The following COL10A1 variants were observed in gnomAD, a reference collection of about 807,000 sequenced individuals.
The protein encoded by COL10A1 is collagen alpha-1(X) chain.
In COL10A1, 10 loss-of-function variants were observed where a neutral mutation model predicts 18.2. The observed-to-expected ratio is 0.55, with a 90% CI of 0.34 to 0.93. The LOEUF (loss-of-function observed/expected upper bound fraction) is 0.93. Ranked by LOEUF, COL10A1 falls within the 40% of genes least tolerant of loss-of-function variation. The pLI, the probability that COL10A1 is intolerant of heterozygous loss-of-function variation, is 0.02. For synonymous variants in COL10A1, 330 were observed against 316.6 expected, an observed-to-expected ratio of 1.04 and a Z score of -0.45; for missense variants, 897 against 853.5, an observed-to-expected ratio of 1.05 and a Z score of -0.64.
At chr6:116,189,616 A>G in the COL10A1 span, among the ~76,000 whole-genome samples, 2 of 152,136 alleles carry the variant, frequency 1.3e-5, no homozygotes, top group Middle Eastern at 3.4e-3. Flanking sequence ...ATAAAGTTCA[A>G]AAGTTTAAAC....
chr6:116,199,996 A>AGG, the COL10A1 span, among the ~76,000 whole-genome samples: 39 of 98,100 alleles, frequency 4.0e-4, 1 homozygote, highest in African/African-American at 1.9e-3. Context: ...ACAGTATGGA[A>AGG]AGTGGGGGGG....
chr6:116,127,117 G>T (rs140262623), upstream of COL10A1, among the ~76,000 whole-genome samples: 659 of 152,184 alleles, frequency 4.3e-3, 9 homozygotes, highest in African/African-American at 0.014. Context: ...GGTTGAGGAG[G>T]ACAATTCCAT....
At chr6:116,185,370 T>C in the COL10A1 span, among the ~76,000 whole-genome samples, 1 of 152,142 alleles carries the variant, frequency 6.6e-6, no homozygotes, top group Non-Finnish European at 1.5e-5. Flanking sequence ...AAAATATCTG[T>C]TAAGTCCATT....
In COL10A1 at chr6:116,121,843, T is replaced by C. The variant is rs547224731; in HGVS notation, c.273A>G (p.Gln91=). 151 of 1,613,990 alleles carry C rather than the reference T, an allele frequency of 9.4e-5. No individual in the cohort carries two copies. The South Asian group carries it at 1.2e-3, about 13-fold the overall frequency. ...GKPGYGSPGL[Q]GEPGLPGPPG... The stretch of plus-strand genomic sequence containing the variant: ...GTGGTCCTGGCAACCCTGGCTCTCC[T>C]TGGAGTCCAGGACTTCCGTAGCCTG... Residue 91 remains glutamine (Q), a synonymous_variant, in exon 3 of 3, where the codon CAA becomes CAG. Transcript: ENST00000651968.
rs974840517 is a variant in COL10A1, at chr6:116,121,297, G to C, written c.819C>G (p.Gly273=). ...IGKPGAAGAP[G]QPGIPGTKGL... is the part of the protein sequence containing the mutation. ...CTTTTGTTCCTGGAATCCCTGGCTG[G>C]CCTGGGGCTCCAGCAGCTCCTGGCT... The change falls in exon 3 of 3, where the codon GGC becomes GGG. Residue 273 remains glycine (G), a synonymous_variant. Coordinates refer to ENST00000651968, the MANE Select transcript of COL10A1 (RefSeq NM_000493.4). The C allele has an allele frequency of 1.9e-6, 3 of 1,613,972 alleles. No homozygotes were observed. The highest frequency in any genetic ancestry group is 4.5e-5 in the East Asian group (2 of 44,846).
At chr6:116,169,812 G>A in the COL10A1 span, among the ~76,000 whole-genome samples, 1 of 152,184 alleles carries the variant, frequency 6.6e-6, no homozygotes, top group East Asian at 1.9e-4. Context: ...TTGATTGAAA[G>A]TGTGTATAGA....
chr6:116,184,797 G>C, the COL10A1 span, among the ~76,000 whole-genome samples: 1 of 151,886 alleles, frequency 6.6e-6, no homozygotes, highest in African/African-American at 2.4e-5. Flanking sequence ...CTCACTAATG[G>C]TCTATCAATC....
the COL10A1 span, among the ~76,000 whole-genome samples, chr6:116,208,791 A>C: frequency 6.6e-6 from 1 of 152,130 alleles, no homozygotes; most frequent in South Asian, 2.1e-4. Context: ...AAGTGTGCTA[A>C]AATCATAAAA....
chr6:116,214,172 G>A, the COL10A1 span, among the ~76,000 whole-genome samples: 1 of 152,234 alleles, frequency 6.6e-6, no homozygotes, highest in East Asian at 1.9e-4. Flanking sequence ...ACTCCAAAGT[G>A]TGTGCTTTTT....
intron 1 of COL10A1, among the ~76,000 whole-genome samples, chr6:116,144,478 T>A (rs1018029758): frequency 6.6e-6 from 1 of 150,928 alleles, no homozygotes; most frequent in East Asian, 1.9e-4. Flanking sequence ...TCCAGCCTGA[T>A]GACAGAGCGA....
Position 116,135,854 on chromosome 6 carries a change from T to C in COL10A1, c.-15-10347A>G, listed in dbSNP as rs1779581824. On this transcript the variant is annotated intron_variant, in intron 1 of 1. Transcript: ENST00000418500. The stretch of plus-strand genomic sequence containing the variant: ...TTTCAGATATATATATATATATATA[T>C]ATATATATATATATATATACACACA... 5.1e-5 allele frequency among the ~76,000 whole-genome samples: 6 copies of C among 118,074 alleles called. No homozygotes were observed. The South Asian group carries it at 1.4e-3, about 28-fold the overall frequency. The allele number at this position is 118,074 out of a possible 152,430, so 77.5% of individuals were successfully genotyped here.
intron 1 of COL10A1, among the ~76,000 whole-genome samples, chr6:116,138,780 T>C (rs1167586127): frequency 6.6e-6 from 1 of 152,180 alleles, no homozygotes. Flanking sequence ...TATAGAATTG[T>C]ATATTTAGCA....
At chr6:116,140,948 G>A (rs1014587661) in intron 1 of COL10A1, among the ~76,000 whole-genome samples, 1 of 152,104 alleles carries the variant, frequency 6.6e-6, no homozygotes, top group Non-Finnish European at 1.5e-5. Context: ...CTGGCTGCAT[G>A]CAAAAGAATC....
chr6:116,123,646 T>TA (rs1395025265), intron 2 of COL10A1, among the ~76,000 whole-genome samples: 1 of 152,242 alleles, frequency 6.6e-6, no homozygotes, highest in Non-Finnish European at 1.5e-5. Flanking sequence ...CTTAATGTCT[T>TA]ACTTGTATAG....
chr6:116,213,997 G>T, the COL10A1 span, among the ~76,000 whole-genome samples: 1 of 152,064 alleles, frequency 6.6e-6, no homozygotes, highest in African/African-American at 2.4e-5. Flanking sequence ...AAGTAGCTGG[G>T]ACTATAGGCA....
At chr6:116,194,772 G>A in the COL10A1 span, among the ~76,000 whole-genome samples, 1 of 151,998 alleles carries the variant, frequency 6.6e-6, no homozygotes, top group African/African-American at 2.4e-5. Context: ...TAAAGGTAGT[G>A]GCTTTTGGGT....
At chr6:116,173,189 G>A in the COL10A1 span, among the ~76,000 whole-genome samples, 1 of 152,160 alleles carries the variant, frequency 6.6e-6, no homozygotes, top group Admixed American at 6.5e-5. Context: ...GCCCCTGGCA[G>A]TGTTCATCTA....
chr6:116,176,061 G>A, the COL10A1 span, among the ~76,000 whole-genome samples: 2 of 152,176 alleles, frequency 1.3e-5, no homozygotes, highest in Non-Finnish European at 2.9e-5. Context: ...ACCTCAAAAT[G>A]GACTTGCCTC....
the COL10A1 span, among the ~76,000 whole-genome samples, chr6:116,204,824 A>G: frequency 7.9e-5 from 12 of 152,028 alleles, no homozygotes; most frequent in Non-Finnish European, 1.5e-4. Context: ...AGAACAATGA[A>G]TAGTGTGTAG....
Sources: allele counts gnomAD v4.1 joint callset (sites outside exome capture counted in the v4.1 genomes callset), GRCh38; gene constraint gnomAD v4.1.1; transcripts MANE v1.5; gene names NCBI Gene and HGNC (gene_info 2026-07-23, HGNC 2026-07-21).